Variants in WSCD2 observed in about 807,000 individuals in gnomAD.
The protein encoded by WSCD2 is WSC domain sialate O sulfotransferase 2, also known as sialate:O-sulfotransferase 2.
A neutral mutation model predicts 55.7 loss-of-function variants in WSCD2; 28 were observed. The observed-to-expected ratio is 0.50, with a 90% confidence interval of 0.37 to 0.69. The LOEUF (loss-of-function observed/expected upper bound fraction) is 0.69, where lower values mean the gene tolerates loss of function less well. WSCD2 is among the 30% of genes least tolerant of loss of function. WSCD2 has a pLI of 0.00. For missense variants in WSCD2, 616 were observed against 762.1 expected (o/e 0.81, Z 2.26); for synonymous variants, 301 against 301.9 (o/e 1.00, Z 0.03).
At chr12:108,229,106 G>C (rs1426367) in intron 6 of WSCD2, among the ~76,000 whole-genome samples, 1 of 151,926 alleles carries the variant, frequency 6.6e-6, no homozygotes. Flanking sequence ...CTTCCATTTT[G>C]CCACGTCACT....
intron 1 of WSCD2, among the ~76,000 whole-genome samples, chr12:108,136,334 G>GTCCCTTCCCCTCTTTGGGCCTCAATT (rs60951316): frequency 1.2e-3 from 184 of 151,854 alleles, no homozygotes; most frequent in African/African-American, 4.2e-3. Context: ...CCTTTAGCAA[G>GTCCCTTCCCCTCTTTGGGCCTCAATT]TCCCATCTAT....
intron 4 of WSCD2, among the ~76,000 whole-genome samples, chr12:108,224,197 T>C (rs994822385): frequency 6.6e-6 from 1 of 152,142 alleles, no homozygotes; most frequent in Non-Finnish European, 1.5e-5. Context: ...TTGCAGCTTG[T>C]CGGTGCCCAA....
chr12:108,178,234 A>G (rs1881158391), intron 1 of WSCD2, among the ~76,000 whole-genome samples: 1 of 152,066 alleles, frequency 6.6e-6, no homozygotes, highest in Non-Finnish European at 1.5e-5. Flanking sequence ...GTGTCTTCAT[A>G]GCGTCTTCCC....
chr12:108,176,041 G>A (rs1029920087), intron 1 of WSCD2, among the ~76,000 whole-genome samples: 10 of 151,888 alleles, frequency 6.6e-5, no homozygotes, highest in South Asian at 2.1e-4. Context: ...GGGTTTCACC[G>A]TGTTAGCCAG....
At chr12:108,177,375 T>C (rs2136987211) in intron 1 of WSCD2, among the ~76,000 whole-genome samples, 1 of 152,274 alleles carries the variant, frequency 6.6e-6, no homozygotes, top group Non-Finnish European at 1.5e-5. Context: ...TTATAGTTAC[T>C]GGGCACTTGC....
chr12:108,243,526 G>A (rs749932872), intron 8 of WSCD2, among the ~76,000 whole-genome samples: 44 of 152,154 alleles, frequency 2.9e-4, no homozygotes, highest in Non-Finnish European at 4.7e-4. Context: ...GAGCCACCGC[G>A]CCCAGCCACA....
chr12:108,166,767 T>TTCTTTCTTTCTTTCTG (rs1879680528), intron 1 of WSCD2, among the ~76,000 whole-genome samples: 8 of 147,742 alleles, frequency 5.4e-5, no homozygotes, highest in Non-Finnish European at 1.2e-4. Flanking sequence ...TTTCTTTTCT[T>TTCTTTCTTTCTTTCTG]TCTTTCTTTC....
chr12:108,145,591 A>C (rs1473481921), intron 1 of WSCD2, among the ~76,000 whole-genome samples: 1 of 152,210 alleles, frequency 6.6e-6, no homozygotes, highest in African/African-American at 2.4e-5. Context: ...AGCAGTATTT[A>C]TTTAGGCAGC....
chr12:108,199,284 A>G (rs963885701), intron 2 of WSCD2, among the ~76,000 whole-genome samples: 3 of 152,208 alleles, frequency 2.0e-5, no homozygotes, highest in Non-Finnish European at 4.4e-5. Context: ...TGCTTGATGC[A>G]GTGATGCAGG....
chr12:108,198,272 T>C (rs763342602), intron 2 of WSCD2, among the ~76,000 whole-genome samples: 52 of 152,186 alleles, frequency 3.4e-4, no homozygotes, highest in Non-Finnish European at 6.6e-4. Context: ...TGAATACCTA[T>C]TTGTTGAATG....
chr12:108,221,797 C>T (rs1887552993), intron 4 of WSCD2, among the ~76,000 whole-genome samples: 1 of 152,186 alleles, frequency 6.6e-6, no homozygotes, highest in Non-Finnish European at 1.5e-5. Context: ...TAGTTTAACT[C>T]CCAGTCCTCG....
chr12:108,144,157 T>C (rs1877147935), intron 1 of WSCD2, among the ~76,000 whole-genome samples: 2 of 152,152 alleles, frequency 1.3e-5, no homozygotes, highest in East Asian at 3.9e-4. Flanking sequence ...GACCACTTCT[T>C]GTAAAGCCAA....
At chr12:108,209,642 C>T (rs1469137569) in intron 3 of WSCD2, among the ~76,000 whole-genome samples, 1 of 151,908 alleles carries the variant, frequency 6.6e-6, no homozygotes, top group Admixed American at 6.6e-5. Context: ...CTCTAGGGGC[C>T]TCCCTGTATT....
chr12:108,239,434 T>G (rs1263671703), intron 7 of WSCD2, among the ~76,000 whole-genome samples: 1 of 152,222 alleles, frequency 6.6e-6, no homozygotes, highest in East Asian at 1.9e-4. Context: ...CCATGTCTAT[T>G]CTATGTGTCT....
chr12:108,221,661 T>G (rs1308247547), intron 4 of WSCD2, among the ~76,000 whole-genome samples: 1 of 152,232 alleles, frequency 6.6e-6, no homozygotes, highest in Non-Finnish European at 1.5e-5. Context: ...AGGGCTGTCC[T>G]GTACAGAACA....
At chr12:108,239,541 T>C (rs924250204) in intron 7 of WSCD2, among the ~76,000 whole-genome samples, 1 of 152,120 alleles carries the variant, frequency 6.6e-6, no homozygotes, top group Non-Finnish European at 1.5e-5. Context: ...CAGAAACATA[T>C]GATGTGTCTT....
At position 108,141,452 on chromosome 12, in the gene WSCD2, A is replaced by C. The variant is rs546968078; in HGVS notation, c.-552+11526A>C. Among the ~76,000 whole-genome samples, 6 of 152,288 alleles carry C rather than the reference A, an allele frequency of 3.9e-5. No individual in the cohort carries two copies. In the East Asian group the frequency reaches 1.2e-3, roughly 29 times the overall value. On this transcript the variant is annotated intron_variant, in intron 1 of 8. Coordinates refer to ENST00000547525, the MANE Select transcript of WSCD2 (RefSeq NM_014653.4). Reference sequence around the variant, plus strand: ...CAGTTCTGGAGGTTTGAAGTCTAAAATGGGTCAGCAGGGCTGGGTTCCTTT... The same window carrying C: ...CAGTTCTGGAGGTTTGAAGTCTAAACTGGGTCAGCAGGGCTGGGTTCCTTT...
rs1320496939 is a variant in WSCD2 at position 108,240,501 on chromosome 12, C to A, written c.1302C>A (p.Gly434=). The part of the protein sequence containing the change: ...ALMAEFNRKY[G]GHIGFAAHAH... ...TGGCTGAGTTCAACCGCAAGTACGGCGGCCACATAGGCTTTGCTGCGCATG... is the reference window on the plus strand; with the variant it reads ...TGGCTGAGTTCAACCGCAAGTACGGAGGCCACATAGGCTTTGCTGCGCATG... Residue 434 remains glycine, a synonymous_variant, in exon 8 of 9, where the codon GGC becomes GGA. Transcript: ENST00000547525. 6.3e-7 allele frequency: 1 copy of A among 1,595,020 alleles called. No homozygotes were observed. The highest frequency in any genetic ancestry group is 2.3e-5 in the East Asian group (1 of 43,548).
intron 1 of WSCD2, chr12:108,171,553 T>G (rs1048780929): frequency 6.6e-6 from 1 of 152,246 alleles, no homozygotes; most frequent in African/African-American, 2.4e-5. Flanking sequence ...ACATTTTAGA[T>G]CTAATAGATT....
Sources: gnomAD v4.1 joint callset for allele counts (sites outside exome capture counted in the v4.1 genomes callset) on GRCh38, gnomAD v4.1.1 for gene constraint, MANE v1.5 for transcripts, NCBI Gene and HGNC (gene_info 2026-07-23, HGNC 2026-07-21) for gene names.